The following SLAIN2 variants were observed in gnomAD, a reference collection of about 807,000 sequenced individuals.
SLAIN2 encodes the protein SLAIN motif-containing protein 2.
In SLAIN2, 31 loss-of-function variants were observed where a neutral mutation model predicts 56.6. The observed-to-expected ratio is 0.55, with a 90% CI of 0.41 to 0.74. The LOEUF (loss-of-function observed/expected upper bound fraction) is 0.74. SLAIN2 is among the 30% of genes least tolerant of loss of function. The pLI is 0.00. For missense variants in SLAIN2, 777 were observed against 754.2 expected (o/e 1.03, Z -0.35); for synonymous variants, 317 against 284.9 (o/e 1.11, Z -1.13).
intron 6 of SLAIN2, among the ~76,000 whole-genome samples, chr4:48,395,639 G>A (rs1716357710): frequency 6.6e-6 from 1 of 152,098 alleles, no homozygotes; most frequent in South Asian, 2.1e-4. Flanking sequence ...ATGAATGTTT[G>A]TATTTTGAAT....
intron 6 of SLAIN2, among the ~76,000 whole-genome samples, chr4:48,386,451 A>G (rs1008785897): frequency 1.3e-4 from 20 of 152,330 alleles, no homozygotes; most frequent in African/African-American, 4.3e-4. Flanking sequence ...TGTCACATCT[A>G]TGGTTTAGAC....
At chr4:48,355,206 A>G (rs1426436490) in intron 1 of SLAIN2, among the ~76,000 whole-genome samples, 1 of 152,078 alleles carries the variant, frequency 6.6e-6, no homozygotes, top group Non-Finnish European at 1.5e-5. Context: ...ATATTTCAGG[A>G]AAAAAATGCC....
At position 48,374,241 on chromosome 4, in the gene SLAIN2, T is replaced by G. The variant is rs1715744703; in HGVS notation, c.539-3655T>G. Among the ~76,000 whole-genome samples the G allele has an allele frequency of 2.0e-5, 3 of 152,240 alleles. No individual in the cohort carries two copies. In the South Asian group the frequency reaches 6.2e-4, roughly 32 times the overall value. On this transcript the variant is annotated intron_variant, in intron 2 of 7. Coordinates refer to ENST00000264313, the MANE Select transcript of SLAIN2 (RefSeq NM_020846.2). ...ATGTTAAAGATTGTGGACTTTATTC[T>G]TTTTCTTTTTTTGGAGACGGAGTCT...
In SLAIN2 at chr4:48,422,303, AC is replaced by A. The variant is rs756433215; in HGVS notation, c.*227del. 2.8e-5 allele frequency: 12 copies of A among 422,826 alleles called. No homozygotes were observed. Among genetic ancestry groups the A allele is most frequent in the Non-Finnish European group, 4.7e-5 (11 of 235,790 alleles). The allele number at this position is 422,826 out of a possible 1,614,324, so 26.2% of individuals were successfully genotyped here. ...TCATACAATCACTCTCCATAGAATC[AC>A]TTTTAGTTTTGTTTAATAGAAACTA... On this transcript the variant is annotated 3_prime_UTR_variant, in exon 8 of 8. Transcript: ENST00000264313.
Position 48,341,624 on chromosome 4 carries a change from C to G in SLAIN2, c.-116C>G. ...ACCCTGGCGGTGGGGCCTGGTCCTG[C>G]TATATGCCGGCGCCTCGGCTAGAGT... is the stretch of plus-strand genomic sequence containing the variant. On this transcript the variant is annotated 5_prime_UTR_variant, in exon 1 of 8. Transcript: ENST00000264313. The G allele has an allele frequency of 7.0e-7, 1 of 1,426,640 alleles. No homozygotes were observed. The highest frequency in any genetic ancestry group is 9.2e-7 in the Non-Finnish European group (1 of 1,085,366). The allele number at this position is 1,426,640 out of a possible 1,614,324, so 88.4% of individuals were successfully genotyped here.
chr4:48,389,140 TC>T (rs1469316573), intron 6 of SLAIN2, among the ~76,000 whole-genome samples: 1 of 152,100 alleles, frequency 6.6e-6, no homozygotes, highest in Non-Finnish European at 1.5e-5. Flanking sequence ...AATGTGCTAA[TC>T]TAAGAATGAA....
intron 6 of SLAIN2, among the ~76,000 whole-genome samples, chr4:48,412,641 T>G (rs1716892684): frequency 6.6e-6 from 1 of 152,238 alleles, no homozygotes; most frequent in South Asian, 2.1e-4. Flanking sequence ...CATTCATATA[T>G]ATCTTTTTGT....
At chr4:48,345,257 C>T (rs1048613749) in intron 1 of SLAIN2, among the ~76,000 whole-genome samples, 3 of 152,198 alleles carry the variant, frequency 2.0e-5, no homozygotes, top group Non-Finnish European at 1.5e-5. Flanking sequence ...TGTGGTGTCA[C>T]TGCTGACCCT....
chr4:48,387,061 A>G (rs1716119067), intron 6 of SLAIN2, among the ~76,000 whole-genome samples: 1 of 152,178 alleles, frequency 6.6e-6, no homozygotes, highest in African/African-American at 2.4e-5. Context: ...TACATGATAC[A>G]TGTCCAAACA....
At position 48,420,175 on chromosome 4, in the gene SLAIN2, C is replaced by T. The variant is rs1455370756; in HGVS notation, c.1411C>T (p.Leu471Phe). 1 of 1,613,970 alleles carries T rather than the reference C, an allele frequency of 6.2e-7. No individual in the cohort carries two copies. The highest frequency in any genetic ancestry group is 8.5e-7 in the Non-Finnish European group (1 of 1,179,874). The change falls in exon 7 of 8, where the codon CTT becomes TTT. Residue 471 changes from leucine to phenylalanine, a missense_variant. Leu to Phe is a conservative substitution (Grantham distance 22). Coordinates refer to ENST00000264313, the MANE Select transcript of SLAIN2 (RefSeq NM_020846.2). ...RSPAAPSPLA[L>F]RQPVKAFSNH... ...CCCTGCAGCACCATCTCCTTTGGCT[C>T]TTCGGCAACCAGTGAAAGCATTTAG...
intron 1 of SLAIN2, among the ~76,000 whole-genome samples, chr4:48,345,583 A>G (rs1714843040): frequency 6.6e-6 from 1 of 151,908 alleles, no homozygotes; most frequent in Non-Finnish European, 1.5e-5. Context: ...CTTCTCTCCC[A>G]TATATTTTAT....
chr4:48,387,153 C>G (rs1716122186), intron 6 of SLAIN2, among the ~76,000 whole-genome samples: 1 of 152,074 alleles, frequency 6.6e-6, no homozygotes, highest in Non-Finnish European at 1.5e-5. Context: ...TTGAACTATT[C>G]TAGCATGTCA....
At chr4:48,409,839 G>A (rs774196586) in intron 6 of SLAIN2, among the ~76,000 whole-genome samples, 4 of 152,110 alleles carry the variant, frequency 2.6e-5, no homozygotes, top group Non-Finnish European at 5.9e-5. Flanking sequence ...AGCTGAGATC[G>A]TGCCATTGCA....
chr4:48,367,670 A>G (rs1431768967), intron 1 of SLAIN2, among the ~76,000 whole-genome samples: 4 of 152,128 alleles, frequency 2.6e-5, no homozygotes, highest in East Asian at 1.9e-4. Context: ...GTTTTGAATT[A>G]TTGTTGTATT....
chr4:48,357,250 C>G (rs2129964), intron 1 of SLAIN2, among the ~76,000 whole-genome samples: 14 of 151,944 alleles, frequency 9.2e-5, no homozygotes, highest in Admixed American at 9.2e-4. Context: ...ATATGTTTTT[C>G]TTCAACTTAA....
intron 6 of SLAIN2, among the ~76,000 whole-genome samples, chr4:48,385,628 CT>C (rs975576079): frequency 2.5e-5 from 3 of 121,986 alleles, no homozygotes; most frequent in South Asian, 2.4e-4. Flanking sequence ...TCATTTTCAT[CT>C]TTTTTTTTCT....
intron 1 of SLAIN2, among the ~76,000 whole-genome samples, chr4:48,354,899 C>A (rs199706226): frequency 9.2e-6 from 1 of 109,082 alleles, no homozygotes; most frequent in Non-Finnish European, 2.2e-5. Flanking sequence ...CTTTTCTTTT[C>A]TTTTTTTCTT....
At chr4:48,398,020 C>T (rs1363350006) in intron 6 of SLAIN2, among the ~76,000 whole-genome samples, 1 of 152,168 alleles carries the variant, frequency 6.6e-6, no homozygotes, top group Non-Finnish European at 1.5e-5. Flanking sequence ...TTTGAACATA[C>T]ACCCAGTAAT....
At chr4:48,419,727 TC>T (rs1717097670) in intron 6 of SLAIN2, among the ~76,000 whole-genome samples, 1 of 152,248 alleles carries the variant, frequency 6.6e-6, no homozygotes, top group African/African-American at 2.4e-5. Flanking sequence ...CGTGAATGTT[TC>T]TTTTCAGGGG....
Sources: allele counts gnomAD v4.1 joint callset (sites outside exome capture counted in the v4.1 genomes callset), GRCh38; gene constraint gnomAD v4.1.1; transcripts MANE v1.5; gene names NCBI Gene and HGNC (gene_info 2026-07-23, HGNC 2026-07-21).